Variants in SOX6 observed in about 807,000 individuals in gnomAD.
SOX6 encodes transcription factor SOX-6.
Under a neutral mutation model 97.8 loss-of-function variants are expected in SOX6, and 11 were observed. The ratio of observed to expected loss-of-function variants is 0.11; its 90% CI spans 0.07 to 0.19. The LOEUF (loss-of-function observed/expected upper bound fraction) is 0.19. SOX6 is among the 10% of genes least tolerant of loss of function. The pLI, the probability that SOX6 is intolerant of heterozygous loss-of-function variation, is 1.00. For synonymous variants in SOX6, 360 were observed against 371.4 expected (o/e 0.97, Z 0.35); for missense variants, 810 against 1,039.5 (o/e 0.78, Z 3.04).
At chr11:16,049,959 T>G (rs1412994201) in intron 10 of SOX6, 21 bp from the exon 11 acceptor site, 1 of 1,612,524 alleles carries the variant, frequency 6.2e-7, no homozygotes, top group South Asian at 1.1e-5. Flanking sequence ...TTAACGTAAA[T>G]AATTATTTTT....
chr11:16,203,458 T>C (rs1004353287), intron 4 of SOX6, among the ~76,000 whole-genome samples: 4 of 152,126 alleles, frequency 2.6e-5, no homozygotes, highest in African/African-American at 7.2e-5. Context: ...TTGTAGGTAA[T>C]ATACTTTGAA....
At chr11:16,160,853 C>T (rs1256661519) in intron 6 of SOX6, among the ~76,000 whole-genome samples, 2 of 152,168 alleles carry the variant, frequency 1.3e-5, no homozygotes, top group African/African-American at 4.8e-5. Context: ...ACTGAGCTCT[C>T]TTTTTAAAAT....
intron 13 of SOX6, among the ~76,000 whole-genome samples, chr11:15,990,363 G>A (rs955787209): frequency 7.3e-5 from 11 of 151,576 alleles, no homozygotes; most frequent in Non-Finnish European, 1.2e-4. Flanking sequence ...TTGTTTAAGG[G>A]TAGTTCTTTA....
Position 16,605,232 on chromosome 11 carries a change from G to C in SOX6, n.609+6849C>G, listed in dbSNP as rs1216791338. On this transcript the variant is annotated intron_variant and non_coding_transcript_variant, in intron 4 of 5. Transcript: ENST00000524520. The surrounding 1 kb of genome is among the most constrained non-coding windows in gnomAD (Gnocchi z 5.3). ...ACGGAGGGCGCCGGCTGGGCTCAGG[G>C]ACGCGGGGCGGGGAAGAAACGTGCC... 6.6e-6 allele frequency among the ~76,000 whole-genome samples: 1 copy of C among 152,022 alleles called. No individual in the cohort carries two copies. Among genetic ancestry groups the C allele is most frequent in the Non-Finnish European group, 1.5e-5 (1 of 67,980 alleles).
At chr11:16,282,287 T>G (rs1404103023) in intron 3 of SOX6, among the ~76,000 whole-genome samples, 1 of 151,390 alleles carries the variant, frequency 6.6e-6, no homozygotes, top group Non-Finnish European at 1.5e-5. Flanking sequence ...AATATGTATT[T>G]GATGAAAGGA....
chr11:16,476,853 C>A (rs889940082), upstream of SOX6, among the ~76,000 whole-genome samples: 1 of 152,102 alleles, frequency 6.6e-6, no homozygotes, highest in Non-Finnish European at 1.5e-5. Flanking sequence ...GGCGTGGAAC[C>A]CATAAGATGC....
chr11:16,688,097 C>T (rs771770000), intron 3 of SOX6, among the ~76,000 whole-genome samples: 1 of 152,010 alleles, frequency 6.6e-6, no homozygotes, highest in Admixed American at 6.6e-5. Flanking sequence ...CTCAGCCTCC[C>T]AAGTAGCTGG....
intron 4 of SOX6, among the ~76,000 whole-genome samples, chr11:16,188,807 T>A (rs891204942): frequency 1.3e-5 from 2 of 152,028 alleles, no homozygotes; most frequent in African/African-American, 4.8e-5. Context: ...CTCATGTCTG[T>A]ATCCTAGCAC....
chr11:16,483,102 T>C (rs1860372224), intron 4 of SOX6, among the ~76,000 whole-genome samples: 1 of 152,160 alleles, frequency 6.6e-6, no homozygotes, highest in Non-Finnish European at 1.5e-5. Flanking sequence ...GTCTCAGGGA[T>C]CTCCAGTGTC....
At chr11:16,402,658 C>T in intron 1 of SOX6, 3 of 1,610,610 alleles carry the variant, frequency 1.9e-6, no homozygotes, top group Non-Finnish European at 2.5e-6. Flanking sequence ...AACTCTCTTA[C>T]CCCATTTTTC....
rs555747926 is a variant in SOX6, at chr11:16,065,746, C to G, written c.1102-9845G>C. Reference sequence around the variant, plus strand: ...ACTAGACCCCATCACTAGCCTTATACAAAAATCAAATCCAAATGAATTAAA... The same window carrying G: ...ACTAGACCCCATCACTAGCCTTATAGAAAAATCAAATCCAAATGAATTAAA... On this transcript the variant is annotated intron_variant, in intron 9 of 15. Coordinates refer to ENST00000683767, the MANE Select transcript of SOX6 (RefSeq NM_001367873.1). 4.5e-4 allele frequency among the ~76,000 whole-genome samples: 69 copies of G among 152,138 alleles called. 1 individual carries two copies. In the South Asian group the frequency reaches 0.014, roughly 32 times the overall value.
chr11:16,637,086 T>A (rs1344467982), intron 3 of SOX6, among the ~76,000 whole-genome samples: 1 of 152,228 alleles, frequency 6.6e-6, no homozygotes. Flanking sequence ...GGCCTATTTT[T>A]TTTTGAAACA....
At chr11:16,581,491 G>C (rs868667559) in intron 4 of SOX6, among the ~76,000 whole-genome samples, 1 of 152,142 alleles carries the variant, frequency 6.6e-6, no homozygotes, top group Non-Finnish European at 1.5e-5. Context: ...AATAGTTAAT[G>C]CATGAAGGGC....
At chr11:16,551,191 A>T (rs1016210109) in intron 4 of SOX6, among the ~76,000 whole-genome samples, 2 of 152,056 alleles carry the variant, frequency 1.3e-5, no homozygotes, top group Non-Finnish European at 2.9e-5. Context: ...AAAAAAATTT[A>T]AAATAAAAAA....
At chr11:16,077,003 T>A (rs994379270) in intron 9 of SOX6, among the ~76,000 whole-genome samples, 1 of 151,868 alleles carries the variant, frequency 6.6e-6, no homozygotes, top group Non-Finnish European at 1.5e-5. Context: ...TCCACCCGCC[T>A]CGGCCTCCCA....
chr11:16,574,289 A>G (rs572070469), intron 4 of SOX6, among the ~76,000 whole-genome samples: 1 of 152,308 alleles, frequency 6.6e-6, no homozygotes, highest in East Asian at 1.9e-4. Flanking sequence ...GCAAGGATTG[A>G]CAAACACATC....
chr11:16,571,612 G>C lies in SOX6; in HGVS notation n.609+40469C>G, dbSNP rs576303008. On this transcript the variant is annotated intron_variant and non_coding_transcript_variant, in intron 4 of 5. Transcript: ENST00000524520. ...TACCCAGCCTCTACATTCAGTTTTTGTTTGTTTGTTTGTTTGTTTGTTTGG... is the reference window on the plus strand; with the variant it reads ...TACCCAGCCTCTACATTCAGTTTTTCTTTGTTTGTTTGTTTGTTTGTTTGG... Among the ~76,000 whole-genome samples the C allele has an allele frequency of 9.3e-5, 13 of 139,298 alleles. No homozygotes were observed. The South Asian group carries it at 2.7e-3, about 29-fold the overall frequency. 91.4% of individuals were successfully genotyped at this position (139,298 alleles called of 152,430 possible).
chr11:16,681,943 C>A (rs1301976815), intron 3 of SOX6, among the ~76,000 whole-genome samples: 2 of 152,206 alleles, frequency 1.3e-5, no homozygotes, highest in East Asian at 3.8e-4. Context: ...AGACCAATAA[C>A]AGGTTCTGAA....
intron 3 of SOX6, among the ~76,000 whole-genome samples, chr11:16,692,053 G>A (rs1432351254): frequency 8.2e-6 from 1 of 121,746 alleles, no homozygotes; most frequent in African/African-American, 3.4e-5. Context: ...TGATTTGCGT[G>A]TGCGTGTGTG....
Sources: allele counts gnomAD v4.1 joint callset (sites outside exome capture counted in the v4.1 genomes callset), GRCh38; gene constraint gnomAD v4.1.1; non-coding constraint Gnocchi (gnomAD v3.1); transcripts MANE v1.5; gene names NCBI Gene and HGNC (gene_info 2026-07-23, HGNC 2026-07-21).